Variants in TMEM132C observed in about 807,000 individuals in gnomAD.
TMEM132C encodes the protein protein phosphatase 1, regulatory subunit 152.
TMEM132C carries 29 observed loss-of-function variants against 61.4 expected under a neutral mutation model. The ratio of observed to expected loss-of-function variants is 0.47; its 90% CI spans 0.35 to 0.64. The LOEUF (loss-of-function observed/expected upper bound fraction) is 0.64, where lower values mean the gene tolerates loss of function less well. Among genes scored for constraint, TMEM132C ranks in the 30% least tolerant of loss-of-function variants. TMEM132C has a pLI of 0.00. For synonymous variants in TMEM132C, 656 were observed against 633.1 expected, an observed-to-expected ratio of 1.04 and a Z score of -0.54; for missense variants, 1,408 against 1,476.9, an observed-to-expected ratio of 0.95 and a Z score of 0.76.
chr12:128,493,701 G>T (rs917468027), intron 2 of TMEM132C, among the ~76,000 whole-genome samples: 4 of 152,174 alleles, frequency 2.6e-5, no homozygotes, highest in African/African-American at 9.7e-5. Context: ...CATTGATTTT[G>T]TACCTGAGAC....
At chr12:128,544,220 C>A in intron 3 of TMEM132C, 117 bp downstream of exon 3, 1 of 1,360,294 alleles carries the variant, frequency 7.4e-7, no homozygotes, top group Non-Finnish European at 9.6e-7. Flanking sequence ...AGCTATTGAA[C>A]CCACCACGTG....
chr12:128,435,635 C>T (rs548524334), intron 2 of TMEM132C, among the ~76,000 whole-genome samples: 81 of 152,138 alleles, frequency 5.3e-4, no homozygotes, highest in Non-Finnish European at 1.1e-3. Context: ...CACTGCTCAA[C>T]GAAATAAAAC....
intron 3 of TMEM132C, among the ~76,000 whole-genome samples, chr12:128,595,276 A>G (rs983858401): frequency 2.0e-5 from 3 of 152,178 alleles, no homozygotes; most frequent in African/African-American, 4.8e-5. Flanking sequence ...ACAAGGAACT[A>G]TTTAGAGATG....
chr12:128,316,913 G>A (rs941308176), intron 1 of TMEM132C, among the ~76,000 whole-genome samples: 1 of 152,014 alleles, frequency 6.6e-6, no homozygotes, highest in African/African-American at 2.4e-5. Context: ...TGAGTACCTG[G>A]GAACCCACCA....
At chr12:128,430,034 G>A (rs893889616) in intron 2 of TMEM132C, among the ~76,000 whole-genome samples, 1 of 152,138 alleles carries the variant, frequency 6.6e-6, no homozygotes, top group Admixed American at 6.5e-5. Context: ...TGGGCTGGTG[G>A]CTGCAGGGTG....
intron 4 of TMEM132C, among the ~76,000 whole-genome samples, chr12:128,660,428 G>A (rs978279200): frequency 1.3e-5 from 2 of 152,134 alleles, no homozygotes; most frequent in Non-Finnish European, 2.9e-5. Context: ...GTTCCTGCAG[G>A]GTCTCCTTTG....
At chr12:128,593,897 C>T (rs1875851463) in intron 3 of TMEM132C, among the ~76,000 whole-genome samples, 1 of 152,110 alleles carries the variant, frequency 6.6e-6, no homozygotes, top group Non-Finnish European at 1.5e-5. Context: ...TTCCTGCTTG[C>T]CTACCAAATC....
intron 1 of TMEM132C, among the ~76,000 whole-genome samples, chr12:128,344,331 T>C (rs1350098942): frequency 6.6e-6 from 1 of 152,132 alleles, no homozygotes; most frequent in Non-Finnish European, 1.5e-5. Context: ...CTAATTTTTT[T>C]GTATTTTTAG....
chr12:128,328,313 A>G (rs1377883516), intron 1 of TMEM132C, among the ~76,000 whole-genome samples: 2 of 152,174 alleles, frequency 1.3e-5, no homozygotes, highest in Admixed American at 6.5e-5. Flanking sequence ...AATATCCATC[A>G]TCTATGGATA....
At chr12:128,359,746 A>G (rs568604950) in intron 1 of TMEM132C, among the ~76,000 whole-genome samples, 4 of 152,268 alleles carry the variant, frequency 2.6e-5, no homozygotes, top group Admixed American at 2.6e-4. Flanking sequence ...TCAGACACCT[A>G]AACAACACTT....
intron 1 of TMEM132C, among the ~76,000 whole-genome samples, chr12:128,362,054 C>A (rs1295099980): frequency 1.3e-5 from 2 of 149,268 alleles, no homozygotes; most frequent in Non-Finnish European, 3.0e-5. Context: ...GAGGAAGATT[C>A]TTTTTAGATA....
intron 2 of TMEM132C, among the ~76,000 whole-genome samples, chr12:128,506,623 C>T (rs368594579): frequency 4.5e-4 from 68 of 152,070 alleles, no homozygotes; most frequent in African/African-American, 1.4e-3. Flanking sequence ...AGATCTGTTG[C>T]CTTAACCTGC....
chr12:128,288,145 G>C (rs888292766), intron 1 of TMEM132C: 4 of 150,320 alleles, frequency 2.7e-5, no homozygotes, highest in African/African-American at 9.8e-5. Context: ...CGCGACCTCT[G>C]CCTCCCGGGT....
chr12:128,447,973 G>A lies in TMEM132C; in HGVS notation c.974+32353G>A, dbSNP rs758660723. Among the ~76,000 whole-genome samples the A allele has an allele frequency of 6.3e-5, 6 of 95,464 alleles. 1 individual carries two copies. The highest frequency in any genetic ancestry group is 3.0e-4 in the East Asian group (1 of 3,304). 62.6% of individuals were successfully genotyped at this position (95,464 alleles called of 152,430 possible). On this transcript the variant is annotated intron_variant, in intron 2 of 8. Coordinates refer to ENST00000435159, the MANE Select transcript of TMEM132C (RefSeq NM_001136103.3). Reference sequence around the variant, plus strand: ...GATCTCCTGACCTCATGATCCACCCGCCTCGGCCTCCCAAAGTGCTGGGTC... The same window carrying A: ...GATCTCCTGACCTCATGATCCACCCACCTCGGCCTCCCAAAGTGCTGGGTC...
chr12:128,505,014 T>C (rs568536298), intron 2 of TMEM132C, among the ~76,000 whole-genome samples: 1 of 114,816 alleles, frequency 8.7e-6, no homozygotes, highest in South Asian at 3.4e-4. Flanking sequence ...ACTACGTAAA[T>C]ATGAACAAAT....
chr12:128,673,655 G>A (rs1390574347), intron 5 of TMEM132C, among the ~76,000 whole-genome samples: 1 of 152,218 alleles, frequency 6.6e-6, no homozygotes, highest in Non-Finnish European at 1.5e-5. Context: ...GTGCTGAAAT[G>A]CAAGCATATC....
At chr12:128,638,084 A>G (rs1954117008) in intron 4 of TMEM132C, among the ~76,000 whole-genome samples, 1 of 152,180 alleles carries the variant, frequency 6.6e-6, no homozygotes, top group Non-Finnish European at 1.5e-5. Context: ...GTTTGTCTTC[A>G]CTTCTGCAGA....
intron 1 of TMEM132C, among the ~76,000 whole-genome samples, chr12:128,301,609 A>G (rs924972873): frequency 6.6e-6 from 1 of 152,146 alleles, no homozygotes. Flanking sequence ...ATGGGATGGT[A>G]GTATTTATAA....
chr12:128,571,322 A>G (rs556709561), intron 3 of TMEM132C, among the ~76,000 whole-genome samples: 2 of 152,338 alleles, frequency 1.3e-5, no homozygotes, highest in East Asian at 1.9e-4. Context: ...TAGAGTGTTC[A>G]GTCAAAATAT....
Sources: allele counts gnomAD v4.1 joint callset (sites outside exome capture counted in the v4.1 genomes callset), GRCh38; gene constraint gnomAD v4.1.1; transcripts MANE v1.5; gene names NCBI Gene and HGNC (gene_info 2026-07-23, HGNC 2026-07-21).